Variants in NHSL1 observed in about 807,000 individuals in gnomAD.
NHSL1 encodes the protein NHS-like protein 1.
NHSL1 carries 48 observed loss-of-function variants against 95.0 expected under a neutral mutation model. The ratio of observed to expected loss-of-function variants is 0.51; its 90% CI spans 0.40 to 0.64. The LOEUF is 0.64. NHSL1 is among the 30% of genes least tolerant of loss of function. The probability of loss-of-function intolerance (pLI) is 0.00; values close to 1 mark genes in which losing one functional copy is unlikely to be tolerated. For missense variants in NHSL1, 1,971 were observed against 2,077.7 expected (o/e 0.95, Z 1.00); for synonymous variants, 783 against 833.9 (o/e 0.94, Z 1.05).
chr6:138,504,327 T>C (rs891718478), upstream of NHSL1, among the ~76,000 whole-genome samples: 5 of 152,300 alleles, frequency 3.3e-5, no homozygotes, highest in East Asian at 3.9e-4. Context: ...AACATGATCA[T>C]TGACCTTTGG....
At chr6:138,471,901 A>C (rs1276968720) in intron 3 of NHSL1, among the ~76,000 whole-genome samples, 1 of 152,162 alleles carries the variant, frequency 6.6e-6, no homozygotes. Context: ...AATGTAGACC[A>C]GGCGCGGTGA....
chr6:138,459,844 T>C (rs1777876442), intron 3 of NHSL1, among the ~76,000 whole-genome samples: 1 of 152,176 alleles, frequency 6.6e-6, no homozygotes, highest in Non-Finnish European at 1.5e-5. Context: ...TCTATTAATA[T>C]TATTAATATA....
Position 138,432,828 on chromosome 6 carries a change from G to A in NHSL1, c.1517C>T (p.Pro506Leu). 1 of 1,551,582 alleles carries A rather than the reference G, an allele frequency of 6.4e-7. No individual in the cohort carries two copies. ...LCDSAVPLNA[P>L]ANRENGSQAM... ...TTGGGACCCATTCTCCCTATTTGCT[G>A]GAGCATTTAGAGGGACGGCTGAGTC... is the stretch of plus-strand genomic sequence containing the variant. The change falls in exon 6 of 8, where the codon CCA becomes CTA. Residue 506 changes from proline (P) to leucine (L), a missense_variant. This residue lies in a region of NHSL1 where 1,602 missense variants were observed against 1,654.5 expected (regional missense o/e 0.97). Transcript: ENST00000343505. The surrounding 1 kb of genome is among the most constrained non-coding windows in gnomAD (Gnocchi z 4.4).
intron 1 of NHSL1, among the ~76,000 whole-genome samples, chr6:138,676,932 AG>A (rs1785456899): frequency 1.3e-5 from 2 of 152,366 alleles, no homozygotes; most frequent in South Asian, 4.1e-4. Flanking sequence ...CTGGGATTAC[AG>A]GCGTGAGCCA....
rs1203108527 is a variant in NHSL1, at chr6:138,692,221, T to G, written c.96+255A>C. On this transcript the variant is annotated intron_variant, in intron 1 of 3. Transcript: ENST00000491526. This position sits in a 1 kb window ranked among gnomAD's most constrained non-coding sequence, Gnocchi z 4.0. ...AGACAGAAGGAGCAGACAAGGGGAC[T>G]GTCCAATTCCCACCCTCCGCGCCCA... is the stretch of plus-strand genomic sequence containing the variant. The G allele has an allele frequency of 4.4e-6, 2 of 455,598 alleles. No homozygotes were observed. The highest frequency in any genetic ancestry group is 4.0e-5 in the African/African-American group (2 of 50,026). The allele number at this position is 455,598 out of a possible 1,614,324, so 28.2% of individuals were successfully genotyped here.
At chr6:138,528,090 ACT>A (rs1781986605) in intron 1 of NHSL1, among the ~76,000 whole-genome samples, 1 of 152,194 alleles carries the variant, frequency 6.6e-6, no homozygotes, top group Admixed American at 6.5e-5. Context: ...TACGTATAAA[ACT>A]CAGGGTGATT....
chr6:138,443,736 G>A (rs1283785445), intron 4 of NHSL1, among the ~76,000 whole-genome samples: 1 of 152,186 alleles, frequency 6.6e-6, no homozygotes, highest in Non-Finnish European at 1.5e-5. Flanking sequence ...AGGCTGAGGT[G>A]GAAGGATCGC....
chr6:138,591,922 G>A (rs1052489972), intron 1 of NHSL1, among the ~76,000 whole-genome samples: 3 of 152,064 alleles, frequency 2.0e-5, no homozygotes, highest in African/African-American at 7.2e-5. Context: ...AATGTATCTA[G>A]GGTTCCATAG....
At chr6:138,660,871 A>G (rs1378054753) in intron 1 of NHSL1, among the ~76,000 whole-genome samples, 2 of 151,756 alleles carry the variant, frequency 1.3e-5, no homozygotes, top group African/African-American at 4.8e-5. Flanking sequence ...AGGCTGGTGG[A>G]CCATGAGGTC....
At chr6:138,657,641 G>A (rs532056284) in intron 1 of NHSL1, among the ~76,000 whole-genome samples, 11 of 151,646 alleles carry the variant, frequency 7.3e-5, no homozygotes, top group East Asian at 1.9e-4. Flanking sequence ...GTGAAACCCC[G>A]TCTCTACTAA....
intron 1 of NHSL1, among the ~76,000 whole-genome samples, chr6:138,634,100 A>T (rs1280627950): frequency 2.0e-5 from 3 of 152,202 alleles, no homozygotes; most frequent in African/African-American, 7.2e-5. Flanking sequence ...AACTAATCAT[A>T]TCGCCAGAGA....
At chr6:138,434,732 C>A (rs1775960175) in intron 5 of NHSL1, among the ~76,000 whole-genome samples, 1 of 152,170 alleles carries the variant, frequency 6.6e-6, no homozygotes, top group African/African-American at 2.4e-5. Flanking sequence ...GTCAAGCACA[C>A]CCCTCTGTGT....
At chr6:138,655,875 C>T (rs1197882589) in intron 1 of NHSL1, among the ~76,000 whole-genome samples, 1 of 152,172 alleles carries the variant, frequency 6.6e-6, no homozygotes, top group Non-Finnish European at 1.5e-5. Flanking sequence ...TCTAGGGCAG[C>T]CGTGTGCCCT....
chr6:138,552,479 A>G (rs1463989497), intron 1 of NHSL1, among the ~76,000 whole-genome samples: 1 of 152,012 alleles, frequency 6.6e-6, no homozygotes, highest in African/African-American at 2.4e-5. Flanking sequence ...GGTTATTTCA[A>G]CTTTTTTTTC....
chr6:138,547,376 GCTT>G (rs1233264359), upstream of NHSL1, among the ~76,000 whole-genome samples: 5 of 150,584 alleles, frequency 3.3e-5, no homozygotes, highest in East Asian at 1.9e-4. Context: ...TGATATTAAC[GCTT>G]CTTCTTCTTT....
chr6:138,496,360 G>C lies in NHSL1; in HGVS notation c.70C>G (p.Leu24Val), dbSNP rs1780350738. The C allele has an allele frequency of 6.5e-7, 1 of 1,550,046 alleles. No individual in the cohort carries two copies. The highest frequency in any genetic ancestry group is 8.7e-7 in the Non-Finnish European group (1 of 1,146,844). The change falls in exon 2 of 8, where the codon CTA becomes GTA. Residue 24 changes from leucine to valine, a missense_variant. Physicochemically the swap from Leu to Val is conservative, Grantham distance 32 (BLOSUM62 1). Transcript: ENST00000343505. ...KLFKKKTVSN[L>V]DEESRWTVHY... ...ACTGTCCATCGGCTTTCCTCATCTAGGTTGGAAACCGCTATAGAAAAAAAG... is the reference window on the plus strand; with the variant it reads ...ACTGTCCATCGGCTTTCCTCATCTACGTTGGAAACCGCTATAGAAAAAAAG...
intron 2 of NHSL1, among the ~76,000 whole-genome samples, chr6:138,481,616 C>A (rs912823962): frequency 2.6e-5 from 4 of 151,916 alleles, no homozygotes; most frequent in Admixed American, 2.6e-4. Context: ...CAGATCTTTT[C>A]AATGAATATT....
At chr6:138,536,942 A>G (rs1310559464) in intron 1 of NHSL1, among the ~76,000 whole-genome samples, 2 of 152,212 alleles carry the variant, frequency 1.3e-5, no homozygotes, top group Non-Finnish European at 2.9e-5. Context: ...AGAAGAAGAA[A>G]TACAACGAGA....
At chr6:138,583,495 G>A (rs1456400662) in intron 1 of NHSL1, among the ~76,000 whole-genome samples, 3 of 152,086 alleles carry the variant, frequency 2.0e-5, no homozygotes, top group African/African-American at 7.2e-5. Flanking sequence ...ATGTGTTCCC[G>A]TAACACCCCA....
Sources: gnomAD v4.1 joint callset for allele counts (sites outside exome capture counted in the v4.1 genomes callset) on GRCh38, gnomAD v4.1.1 for gene constraint, gnomAD v4.1.1 regional missense constraint, Gnocchi (gnomAD v3.1) non-coding constraint, MANE v1.5 for transcripts, NCBI Gene and HGNC (gene_info 2026-07-23, HGNC 2026-07-21) for gene names.